Variants in PML observed in about 807,000 individuals in gnomAD.
PML encodes PML nuclear body scaffold.
In PML, 28 loss-of-function variants were observed where a neutral mutation model predicts 65.2. That is an observed-to-expected ratio of 0.43 (90% CI 0.32 to 0.59). The LOEUF is 0.59. Among genes scored for constraint, PML ranks in the 20% least tolerant of loss-of-function variants. The probability of loss-of-function intolerance (pLI) is 0.08; values close to 1 mark genes in which losing one functional copy is unlikely to be tolerated. For missense variants in PML, 1,021 were observed against 1,203.4 expected, an observed-to-expected ratio of 0.85 and a Z score of 2.24; for synonymous variants, 500 against 508.8, an observed-to-expected ratio of 0.98 and a Z score of 0.23.
At chr15:74,018,045 G>A (rs1032487084) in intron 2 of PML, among the ~76,000 whole-genome samples, 15 of 151,992 alleles carry the variant, frequency 9.9e-5, no homozygotes, top group Non-Finnish European at 1.6e-4. Context: ...CTAGCCAGGC[G>A]TGGTGGCTCA....
At position 74,047,659 on chromosome 15, in the gene PML, C is replaced by A. The variant is rs1328655143; in HGVS notation, c.*2651C>A. ...CTCTGGCAAATGGGAGAATGCGGCT[C>A]CTTTTGACTTCAAGGGATCTTTGTG... On this transcript the variant is annotated 3_prime_UTR_variant, in exon 9 of 9. Transcript: ENST00000268058. The A allele has an allele frequency of 4.9e-6, 1 of 204,550 alleles. No homozygotes were observed. The highest frequency in any genetic ancestry group is 2.3e-5 in the African/African-American group (1 of 43,706). 12.7% of individuals were successfully genotyped at this position (204,550 alleles called of 1,614,324 possible).
In PML at chr15:73,994,798, A is replaced by G; in HGVS notation, c.-15A>G. 6.4e-7 allele frequency: 1 copy of G among 1,551,828 alleles called. No homozygotes were observed. The highest frequency in any genetic ancestry group is 8.7e-7 in the Non-Finnish European group (1 of 1,147,466). On this transcript the variant is annotated 5_prime_UTR_variant, in exon 1 of 9. Coordinates refer to ENST00000268058, the MANE Select transcript of PML (RefSeq NM_033238.3). Reference sequence around the variant, plus strand: ...TCCAAGATCTAAACCGAGAATCGAAACTAAGCTGGGGTCCATGGAGCCTGC... The same window carrying G: ...TCCAAGATCTAAACCGAGAATCGAAGCTAAGCTGGGGTCCATGGAGCCTGC...
Position 74,035,068 on chromosome 15 carries a change from A to G in PML, c.1710+538A>G, listed in dbSNP as rs988892984. The G allele has an allele frequency of 2.3e-6, 3 of 1,311,764 alleles. No homozygotes were observed. The highest frequency in any genetic ancestry group is 1.7e-5 in the Admixed American group (1 of 59,568). 81.3% of individuals were successfully genotyped at this position (1,311,764 alleles called of 1,614,324 possible). On this transcript the variant is annotated intron_variant, in intron 7 of 8. Transcript: ENST00000268058. This position sits in a 1 kb window ranked among gnomAD's most constrained non-coding sequence, Gnocchi z 4.1. ...GAGGTTTATTACTAGAGGCTGGACT[A>G]TCACCTGTCCAGGGGAAAAGGGGAT...
chr15:74,046,677 C>T lies in PML; in HGVS notation c.*1669C>T, dbSNP rs2071774235. On this transcript the variant is annotated 3_prime_UTR_variant, in exon 9 of 9. Coordinates refer to ENST00000268058, the MANE Select transcript of PML (RefSeq NM_033238.3). ...AAGGGAGACTGGGCCCACTGATTTCCAGCCCCACCATGTGTGCTGTTTTCA... is the reference window on the plus strand; with the variant it reads ...AAGGGAGACTGGGCCCACTGATTTCTAGCCCCACCATGTGTGCTGTTTTCA... The T allele has an allele frequency of 4.3e-6, 1 of 232,820 alleles. No homozygotes were observed. The highest frequency in any genetic ancestry group is 1.3e-3 in the Middle Eastern group (1 of 784). The allele number at this position is 232,820 out of a possible 1,614,324, so 14.4% of individuals were successfully genotyped here.
intron 2 of PML, among the ~76,000 whole-genome samples, chr15:74,014,406 A>C (rs1005245981): frequency 7.9e-5 from 12 of 151,600 alleles, no homozygotes; most frequent in African/African-American, 2.9e-4. Flanking sequence ...ATCTCAGCTC[A>C]CTGCAACCTC....
At chr15:73,999,049 C>T (rs1219558278) in intron 2 of PML, among the ~76,000 whole-genome samples, 1 of 152,170 alleles carries the variant, frequency 6.6e-6, no homozygotes, top group African/African-American at 2.4e-5. Flanking sequence ...TACATTCGTA[C>T]AGTTCACGAA....
intron 6 of PML, chr15:74,033,658 T>G (rs762681967): frequency 2.4e-5 from 16 of 672,242 alleles, no homozygotes; most frequent in Non-Finnish European, 3.6e-5. Context: ...CTATGAGTCC[T>G]TTCTCCCAAA....
At position 73,999,607 on chromosome 15, in the gene PML, T is replaced by C. The variant is rs137869131; in HGVS notation, c.602+1131T>C. On this transcript the variant is annotated intron_variant, in intron 2 of 8. Transcript: ENST00000268058. ...TGCATTTGCGAGTGGCCTGTTTAGGTCCTTTGCCTGTTGTTGTTGTTGTTT... is the reference window on the plus strand; with the variant it reads ...TGCATTTGCGAGTGGCCTGTTTAGGCCCTTTGCCTGTTGTTGTTGTTGTTT... Among the ~76,000 whole-genome samples the C allele has an allele frequency of 2.6e-5, 4 of 152,284 alleles. No homozygotes were observed. The East Asian group carries it at 7.7e-4, about 29-fold the overall frequency.
At chr15:74,038,360 G>A (rs933329098) in intron 7 of PML, among the ~76,000 whole-genome samples, 2 of 152,034 alleles carry the variant, frequency 1.3e-5, no homozygotes, top group Non-Finnish European at 2.9e-5. Flanking sequence ...TGAATTAAGG[G>A]AGGGGGTAAA....
intron 1 of PML, 22 bp downstream of exon 1, chr15:73,994,963 A>G (rs1367045597): frequency 1.3e-6 from 2 of 1,517,408 alleles, no homozygotes; most frequent in Non-Finnish European, 1.8e-6. Context: ...TTAGGGGATG[A>G]TGGGGTTAAG....
At chr15:74,014,770 GAAAA>G (rs1480737067) in intron 2 of PML, among the ~76,000 whole-genome samples, 3 of 151,262 alleles carry the variant, frequency 2.0e-5, no homozygotes, top group Admixed American at 1.3e-4. Context: ...TCAAAAAAAA[GAAAA>G]AAAAGAAATC....
At chr15:74,012,530 G>A (rs113432350) in intron 2 of PML, among the ~76,000 whole-genome samples, 4 of 152,168 alleles carry the variant, frequency 2.6e-5, no homozygotes, top group African/African-American at 7.2e-5. Flanking sequence ...GGCTGGTCTC[G>A]AACTCCTGAT....
intron 2 of PML, among the ~76,000 whole-genome samples, chr15:74,008,818 G>A (rs1002141806): frequency 6.6e-6 from 1 of 152,014 alleles, no homozygotes; most frequent in African/African-American, 2.4e-5. Context: ...CTGCACTCTG[G>A]TACTTTGACA....
In PML at chr15:73,998,230, A is replaced by T; in HGVS notation, c.356A>T (p.Tyr119Phe). The T allele has an allele frequency of 1.2e-6, 2 of 1,614,202 alleles. No homozygotes were observed. The highest frequency in any genetic ancestry group is 1.7e-6 in the Non-Finnish European group (2 of 1,180,018). ...FESLQRRLSVYRQIVDAQAVC... is the reference protein window; with the variant it reads ...FESLQRRLSVFRQIVDAQAVC... ...AGTCTGCAGCGGCGCCTGTCGGTGT[A>T]CCGGCAGATTGTGGATGCGCAGGCT... The change falls in exon 2 of 9, where the codon TAC becomes TTC. Residue 119 changes from tyrosine to phenylalanine, a missense_variant. By Grantham distance (22) the Tyr-to-Phe change is conservative. Coordinates refer to ENST00000268058, the MANE Select transcript of PML (RefSeq NM_033238.3).
chr15:74,006,735 G>A (rs577284385), intron 2 of PML, among the ~76,000 whole-genome samples: 1 of 152,298 alleles, frequency 6.6e-6, no homozygotes, highest in South Asian at 2.1e-4. Flanking sequence ...GTACAATCAT[G>A]GCACCAGAAA....
chr15:74,022,606 C>T (rs1016785612), intron 2 of PML, among the ~76,000 whole-genome samples: 1 of 152,070 alleles, frequency 6.6e-6, no homozygotes, highest in Non-Finnish European at 1.5e-5. Context: ...TATTGTTTCC[C>T]GGATGTTGAA....
At chr15:74,016,790 A>ATATTTTTTTT (rs1419052993) in intron 2 of PML, among the ~76,000 whole-genome samples, 1 of 64,468 alleles carries the variant, frequency 1.6e-5, no homozygotes, top group African/African-American at 5.0e-5. Flanking sequence ...AGGCAGTGGC[A>ATATTTTTTTT]TCTTTTTTTT....
At chr15:73,995,161 G>A (rs941817478) in intron 1 of PML, among the ~76,000 whole-genome samples, 1 of 152,232 alleles carries the variant, frequency 6.6e-6, no homozygotes, top group Non-Finnish European at 1.5e-5. Context: ...GGGCGGCCTC[G>A]CTGGGCTGCG....
chr15:74,043,226 C>T lies in PML; in HGVS notation c.1861+87C>T. 6.2e-7 allele frequency: 1 copy of T among 1,611,596 alleles called. No individual in the cohort carries two copies. The highest frequency in any genetic ancestry group is 8.5e-7 in the Non-Finnish European group (1 of 1,178,884). ...GTGCAGGCAGAGCCATCTGCCAGGC[C>T]CAGGAGAGCTCTGAGCTCTGGCCAA... On this transcript the variant is annotated intron_variant, in intron 8 of 8. Coordinates refer to ENST00000268058, the MANE Select transcript of PML (RefSeq NM_033238.3). The surrounding 1 kb of genome is among the most constrained non-coding windows in gnomAD (Gnocchi z 4.3).
Sources: allele counts gnomAD v4.1 joint callset (sites outside exome capture counted in the v4.1 genomes callset), GRCh38; gene constraint gnomAD v4.1.1; non-coding constraint Gnocchi (gnomAD v3.1); transcripts MANE v1.5; gene names NCBI Gene and HGNC (gene_info 2026-07-23, HGNC 2026-07-21).